The following ASXL3 variants were observed in gnomAD, a reference collection of about 807,000 sequenced individuals.
ASXL3 encodes the protein putative Polycomb group protein ASXL3.
In ASXL3, 34 loss-of-function variants were observed where a neutral mutation model predicts 170.6. The ratio of observed to expected loss-of-function variants is 0.20; its 90% CI spans 0.15 to 0.27. ASXL3 has a LOEUF of 0.27. Among genes scored for constraint, ASXL3 ranks in the 10% least tolerant of loss-of-function variants. The probability of loss-of-function intolerance (pLI) is 1.00; values close to 1 mark genes in which losing one functional copy is unlikely to be tolerated. For synonymous variants in ASXL3, 1,002 were observed against 989.1 expected (o/e 1.01, Z -0.24); for missense variants, 2,592 against 2,695.3 (o/e 0.96, Z 0.85).
At position 33,744,714 on chromosome 18, in the gene ASXL3, T is replaced by TA; in HGVS notation, c.4867dup (p.Thr1623AsnfsTer7). On this transcript the variant is annotated frameshift_variant, in exon 12 of 12. Transcript: ENST00000269197. LOFTEE classifies it high-confidence loss of function. ...TGAGGAGCACAGGACAGCCTCTGGT[T>TA]ACTCACTCGGGTTCAAGTAAACAAA... The TA allele has an allele frequency of 6.2e-7, 1 of 1,613,070 alleles. No individual in the cohort carries two copies.
intron 8 of ASXL3, among the ~76,000 whole-genome samples, chr18:33,700,451 AT>A (rs996597445): frequency 4.7e-5 from 6 of 128,730 alleles, no homozygotes; most frequent in African/African-American, 1.6e-4. Context: ...CCACAGGTTC[AT>A]TTTTTTTTTC....
rs1188083361 is a variant in ASXL3 at position 33,740,384 on chromosome 18, A to G, written c.2980A>G (p.Ser994Gly). The G allele has an allele frequency of 1.2e-6, 2 of 1,607,676 alleles. No homozygotes were observed. The highest frequency in any genetic ancestry group is 3.4e-5 in the Admixed American group (2 of 58,614). The change falls in exon 11 of 12, where the codon AGC becomes GGC. Residue 994 changes from serine (S) to glycine (G), a missense_variant. Ser to Gly is a moderately conservative substitution (Grantham distance 56). This residue lies in a region of ASXL3 where 2,246 missense variants were observed against 2,219.6 expected (regional missense o/e 1.01). Coordinates refer to ENST00000269197, the MANE Select transcript of ASXL3 (RefSeq NM_030632.3). Reference protein sequence around the residue: ...DDQSTRNISSSSPPEKEQPPR... With the variant: ...DDQSTRNISSGSPPEKEQPPR... ...TCAGTCAACCCGGAACATATCATCT[A>G]GCAGCCCACCTGAGAAAGAACAGCC...
At chr18:33,699,630 G>A (rs1255251737) in intron 8 of ASXL3, among the ~76,000 whole-genome samples, 1 of 152,018 alleles carries the variant, frequency 6.6e-6, no homozygotes, top group Non-Finnish European at 1.5e-5. Flanking sequence ...GAAGAGACTG[G>A]AAGGAGAATA....
rs368481682 is a variant in ASXL3 at position 33,743,740 on chromosome 18, A to C, written c.3892A>C (p.Lys1298Gln). Residue 1298 changes from lysine to glutamine, a missense_variant, in exon 12 of 12, where the codon AAA becomes CAA. Lys to Gln is a moderately conservative substitution (Grantham distance 53). Coordinates refer to ENST00000269197, the MANE Select transcript of ASXL3 (RefSeq NM_030632.3). ...CACTCCATGCATAGCCATTATACCA[A>C]AATGTATTGAAAGCACTCCCATTTC... ...TDTPCIAIIPKCIESTPISAT... is the reference protein window; with the variant it reads ...TDTPCIAIIPQCIESTPISAT... 6.2e-7 allele frequency: 1 copy of C among 1,613,892 alleles called. No individual in the cohort carries two copies. The highest frequency in any genetic ancestry group is 8.5e-7 in the Non-Finnish European group (1 of 1,179,888).
At chr18:33,627,421 C>A (rs2065619211) in intron 2 of ASXL3, among the ~76,000 whole-genome samples, 1 of 152,060 alleles carries the variant, frequency 6.6e-6, no homozygotes, top group African/African-American at 2.4e-5. Flanking sequence ...ATATTTTAAC[C>A]ACAAATTTAT....
intron 8 of ASXL3, among the ~76,000 whole-genome samples, chr18:33,726,899 A>G: frequency 6.6e-6 from 1 of 152,058 alleles, no homozygotes; most frequent in East Asian, 1.9e-4. Context: ...TCTGCTCTCT[A>G]GCTCCAAGGG....
chr18:33,614,788 A>G (rs912501471), intron 2 of ASXL3: 1 of 151,898 alleles, frequency 6.6e-6, no homozygotes, highest in Non-Finnish European at 1.5e-5. Flanking sequence ...GACTAGATGC[A>G]TTGTCAGTGA....
intron 8 of ASXL3, among the ~76,000 whole-genome samples, chr18:33,701,787 T>C (rs749086960): frequency 2.0e-5 from 3 of 152,222 alleles, no homozygotes; most frequent in Admixed American, 1.3e-4. Context: ...TATAGAAAGT[T>C]AAACATTTTT....
Position 33,739,282 on chromosome 18 carries a change from T to C in ASXL3, c.1878T>C (p.Pro626=). ...CAGAGGGAGCCTGTACCAGCCTGCC[T>C]TCTCCAGGAGGGGAAACACAGTCCA... ...ESPEGACTSL[P]SPGGETQSTS... Residue 626 remains proline, a synonymous_variant, in exon 11 of 12, where the codon CCT becomes CCC. Coordinates refer to ENST00000269197, the MANE Select transcript of ASXL3 (RefSeq NM_030632.3). 6.2e-7 allele frequency: 1 copy of C among 1,613,748 alleles called. No homozygotes were observed. Among genetic ancestry groups the C allele is most frequent in the Non-Finnish European group, 8.5e-7 (1 of 1,179,792 alleles).
chr18:33,738,334 A>G (rs186820287), intron 10 of ASXL3, among the ~76,000 whole-genome samples, 153 bp from the exon 11 acceptor site: 1 of 152,238 alleles, frequency 6.6e-6, no homozygotes, highest in African/African-American at 2.4e-5. Flanking sequence ...AAACATCATC[A>G]TTGTAAACTG....
intron 1 of ASXL3, among the ~76,000 whole-genome samples, chr18:33,579,392 GTGTCATT>G (rs771577917): frequency 3.9e-5 from 6 of 152,194 alleles, no homozygotes; most frequent in Non-Finnish European, 7.3e-5. Context: ...AGTTGGGTCA[GTGTCATT>G]TGTAGTGGGA....
intron 2 of ASXL3, among the ~76,000 whole-genome samples, chr18:33,640,961 A>AAGACATAAC (rs2065837795): frequency 6.6e-6 from 1 of 151,868 alleles, no homozygotes. Flanking sequence ...AATTTTTATT[A>AAGACATAAC]AGACATAACA....
At chr18:33,683,291 A>G in intron 7 of ASXL3, 114 bp from the exon 8 acceptor site, 1 of 898,152 alleles carries the variant, frequency 1.1e-6, no homozygotes, top group South Asian at 2.6e-5. Context: ...GTAGAAGTAA[A>G]CATAAAATTG....
At chr18:33,617,661 T>C (rs1383270844) in intron 2 of ASXL3, among the ~76,000 whole-genome samples, 1 of 152,164 alleles carries the variant, frequency 6.6e-6, no homozygotes, top group Non-Finnish European at 1.5e-5. Context: ...CATTTCTTAA[T>C]ATATCTTTTT....
At chr18:33,725,688 C>A (rs1404532405) in intron 8 of ASXL3, among the ~76,000 whole-genome samples, 2 of 152,128 alleles carry the variant, frequency 1.3e-5, no homozygotes, top group Non-Finnish European at 1.5e-5. Context: ...ATCAAGATAT[C>A]CTTACATCAA....
At position 33,630,246 on chromosome 18, in the gene ASXL3, C is replaced by T. The variant is rs150992848; in HGVS notation, c.138-14648C>T. ...CCTCTTGTTTCCATAAGAGGACTTA[C>T]TTTGAAATTCGTCCTTTTGTAAAGT... On this transcript the variant is annotated intron_variant, in intron 2 of 11. Transcript: ENST00000269197. Among the ~76,000 whole-genome samples the T allele has an allele frequency of 1.1e-4, 16 of 152,096 alleles. No individual in the cohort carries two copies. In the East Asian group the frequency reaches 1.5e-3, roughly 15 times the overall value.
intron 2 of ASXL3, among the ~76,000 whole-genome samples, chr18:33,636,593 T>TA (rs2065769727): frequency 6.6e-6 from 1 of 152,040 alleles, no homozygotes; most frequent in Non-Finnish European, 1.5e-5. Flanking sequence ...CAGGTGAACG[T>TA]AGTTGGGGCT....
chr18:33,587,958 A>G (rs2065047471), intron 1 of ASXL3, among the ~76,000 whole-genome samples: 1 of 152,116 alleles, frequency 6.6e-6, no homozygotes, highest in Middle Eastern at 3.2e-3. Flanking sequence ...TACATTTTAT[A>G]TCTGATAGTT....
chr18:33,616,895 T>C (rs1250700638), intron 2 of ASXL3, among the ~76,000 whole-genome samples: 1 of 152,120 alleles, frequency 6.6e-6, no homozygotes, highest in African/African-American at 2.4e-5. Flanking sequence ...TCATTTATCC[T>C]TAATCACTTC....
Sources: allele counts gnomAD v4.1 joint callset (sites outside exome capture counted in the v4.1 genomes callset), GRCh38; gene constraint gnomAD v4.1.1; regional missense constraint gnomAD v4.1.1; transcripts MANE v1.5; gene names NCBI Gene and HGNC (gene_info 2026-07-23, HGNC 2026-07-21).